The following TBXAS1 variants were observed in gnomAD, a reference collection of about 807,000 sequenced individuals.
The protein encoded by TBXAS1 is thromboxane-A synthase.
Under a neutral mutation model 60.7 loss-of-function variants are expected in TBXAS1, and 48 were observed. The observed-to-expected ratio is 0.79, with a 90% confidence interval of 0.63 to 1.01. TBXAS1 has a LOEUF of 1.01. Among genes scored for constraint, TBXAS1 ranks in the 50% least tolerant of loss-of-function variants. The probability of loss-of-function intolerance (pLI) is 0.00; values close to 1 mark genes in which losing one functional copy is unlikely to be tolerated. For synonymous variants in TBXAS1, 287 were observed against 269.7 expected (o/e 1.06, Z -0.63); for missense variants, 685 against 686.3 (o/e 1.00, Z 0.02).
intron 5 of TBXAS1, among the ~76,000 whole-genome samples, chr7:139,936,787 G>C (rs1405950479): frequency 6.6e-6 from 1 of 152,176 alleles, no homozygotes; most frequent in African/African-American, 2.4e-5. Flanking sequence ...AGAAACTAGA[G>C]AACAGCATGA....
chr7:139,831,049 A>G (rs1798669166), intron 1 of TBXAS1, among the ~76,000 whole-genome samples: 2 of 151,990 alleles, frequency 1.3e-5, no homozygotes, highest in South Asian at 4.1e-4. Flanking sequence ...ACCAAGCAGA[A>G]GTGGTAAACA....
chr7:139,987,831 G>A (rs1043878112), intron 9 of TBXAS1, among the ~76,000 whole-genome samples: 2 of 152,184 alleles, frequency 1.3e-5, no homozygotes, highest in African/African-American at 4.8e-5. Flanking sequence ...ACCACATTGG[G>A]ACACTAAGTA....
chr7:139,929,025 C>T (rs1313853067), intron 4 of TBXAS1, among the ~76,000 whole-genome samples: 1 of 152,042 alleles, frequency 6.6e-6, no homozygotes, highest in Admixed American at 6.6e-5. Flanking sequence ...AAGAGAAAAA[C>T]AGCTCACGAG....
chr7:139,923,836 C>G (rs1360002944), intron 4 of TBXAS1, among the ~76,000 whole-genome samples: 1 of 152,168 alleles, frequency 6.6e-6, no homozygotes, highest in Non-Finnish European at 1.5e-5. Flanking sequence ...ATTCTACTAT[C>G]TCCATGAGTT....
chr7:139,785,241 C>G (rs917243771), intron 3 of TBXAS1, among the ~76,000 whole-genome samples: 1 of 152,114 alleles, frequency 6.6e-6, no homozygotes, highest in African/African-American at 2.4e-5. Context: ...AAGCTCTCTT[C>G]TGTTCCCTTT....
chr7:139,863,600 T>C (rs1485769409), intron 1 of TBXAS1, among the ~76,000 whole-genome samples: 7 of 152,162 alleles, frequency 4.6e-5, no homozygotes, highest in Non-Finnish European at 7.4e-5. Flanking sequence ...AACCACTACA[T>C]TAAAAATGTA....
At position 139,789,424 on chromosome 7, in the gene TBXAS1, T is replaced by C. The variant is rs1797307873; in HGVS notation, c.-80+1998T>C. The C allele has an allele frequency of 1.3e-5, 2 of 151,994 alleles. 1 individual carries two copies. The highest frequency in any genetic ancestry group is 4.2e-4 in the South Asian group (2 of 4,810). 9.4% of individuals were successfully genotyped at this position (151,994 alleles called of 1,614,324 possible). On this transcript the variant is annotated intron_variant, in intron 4 of 16. Transcript: ENST00000336425. Reference sequence around the variant, plus strand: ...CATGGCTGGCTAAGTTTTAAAACTTTTTTGTAGAGACATGGTCTCTCTGTG... The same window carrying C: ...CATGGCTGGCTAAGTTTTAAAACTTCTTTGTAGAGACATGGTCTCTCTGTG...
chr7:139,943,121 G>C (rs1808423888), intron 5 of TBXAS1, among the ~76,000 whole-genome samples: 1 of 152,168 alleles, frequency 6.6e-6, no homozygotes, highest in African/African-American at 2.4e-5. Context: ...AGAGCAAGCA[G>C]CCTTCTCTAG....
At chr7:139,962,358 A>G in intron 9 of TBXAS1, 125 bp downstream of exon 9, 1 of 1,206,950 alleles carries the variant, frequency 8.3e-7, no homozygotes, top group Non-Finnish European at 1.2e-6. Context: ...AAGATGAAAT[A>G]GGGTCATTGC....
At chr7:139,849,795 G>A (rs150928513) in intron 1 of TBXAS1, among the ~76,000 whole-genome samples, 2 of 152,228 alleles carry the variant, frequency 1.3e-5, no homozygotes, top group East Asian at 1.9e-4. Context: ...TGCAGAAAGC[G>A]CAGCTTGTTC....
Position 139,832,468 on chromosome 7 carries a change from T to A in TBXAS1, c.89+2989T>A, listed in dbSNP as rs552158181. Among the ~76,000 whole-genome samples, 3 of 152,108 alleles carry A rather than the reference T, an allele frequency of 2.0e-5. No individual in the cohort carries two copies. In the East Asian group the frequency reaches 5.8e-4, roughly 29 times the overall value. On this transcript the variant is annotated intron_variant, in intron 1 of 12. Coordinates refer to ENST00000448866, the MANE Select transcript of TBXAS1 (RefSeq NM_001061.7). Reference sequence around the variant, plus strand: ...CCAAGAAGTCTGGGATTATGTTAAATGACCAAACCTAAGAATAATTGGTGT... The same window carrying A: ...CCAAGAAGTCTGGGATTATGTTAAAAGACCAAACCTAAGAATAATTGGTGT...
intron 1 of TBXAS1, among the ~76,000 whole-genome samples, chr7:139,863,480 G>A (rs1322447243): frequency 1.3e-5 from 2 of 152,140 alleles, no homozygotes; most frequent in Admixed American, 1.3e-4. Flanking sequence ...AAAACAATAG[G>A]AAGGTCTTGT....
intron 9 of TBXAS1, among the ~76,000 whole-genome samples, chr7:139,984,946 A>AAAAGAAAAGAAAG (rs1554503477): frequency 5.6e-5 from 8 of 141,774 alleles, no homozygotes; most frequent in African/African-American, 1.8e-4. Flanking sequence ...GAAAGAAAAG[A>AAAAGAAAAGAAAG]AAAGAAAGAA....
intron 2 of TBXAS1, among the ~76,000 whole-genome samples, chr7:139,873,186 C>T (rs189249875): frequency 3.0e-4 from 45 of 152,250 alleles, no homozygotes; most frequent in Non-Finnish European, 4.1e-4. Flanking sequence ...AGTGTACCAA[C>T]GTGAGAATGA....
intron 3 of TBXAS1, among the ~76,000 whole-genome samples, chr7:139,904,804 G>T (rs1157565414): frequency 6.6e-6 from 1 of 152,086 alleles, no homozygotes; most frequent in Admixed American, 6.6e-5. Flanking sequence ...CTTGTATCTG[G>T]AAACTTTGCT....
intron 1 of TBXAS1, among the ~76,000 whole-genome samples, chr7:139,846,668 G>A (rs1247199349): frequency 6.6e-6 from 1 of 152,220 alleles, no homozygotes; most frequent in African/African-American, 2.4e-5. Context: ...ATGCACTGCA[G>A]TGAAAAGTGA....
intron 2 of TBXAS1, among the ~76,000 whole-genome samples, chr7:139,874,309 A>G (rs2116825933): frequency 6.6e-6 from 1 of 152,292 alleles, no homozygotes; most frequent in South Asian, 2.1e-4. Context: ...GGAAATGATC[A>G]GTTGTATTCC....
intron 1 of TBXAS1, among the ~76,000 whole-genome samples, chr7:139,853,675 T>C (rs780713876): frequency 6.6e-6 from 1 of 152,136 alleles, no homozygotes; most frequent in Non-Finnish European, 1.5e-5. Flanking sequence ...TTTAACTATC[T>C]GTTGGGGTTC....
intron 8 of TBXAS1, among the ~76,000 whole-genome samples, chr7:139,958,568 G>A (rs995135438): frequency 1.3e-5 from 2 of 152,236 alleles, no homozygotes; most frequent in African/African-American, 4.8e-5. Flanking sequence ...AACTTTAAAA[G>A]GGTTGTCTCA....
Sources: allele counts gnomAD v4.1 joint callset (sites outside exome capture counted in the v4.1 genomes callset), GRCh38; gene constraint gnomAD v4.1.1; transcripts MANE v1.5; gene names NCBI Gene and HGNC (gene_info 2026-07-23, HGNC 2026-07-21).